Variants in GBE1 observed in about 807,000 individuals in gnomAD.
GBE1 encodes the protein 1,4-alpha-glucan branching enzyme 1.
GBE1 carries 70 observed loss-of-function variants against 88.8 expected under a neutral mutation model. The observed-to-expected ratio is 0.79, with a 90% CI of 0.65 to 0.96. The LOEUF is 0.96. Ranked by LOEUF, GBE1 falls within the 40% of genes least tolerant of loss-of-function variation. The probability of loss-of-function intolerance (pLI) is 0.00; values close to 1 mark genes in which losing one functional copy is unlikely to be tolerated. For missense variants in GBE1, 872 were observed against 871.0 expected, an observed-to-expected ratio of 1.00 and a Z score of -0.01; for synonymous variants, 284 against 300.1, an observed-to-expected ratio of 0.95 and a Z score of 0.56.
chr3:81,686,981 C>T (rs1393272733), intron 2 of GBE1, among the ~76,000 whole-genome samples: 1 of 152,120 alleles, frequency 6.6e-6, no homozygotes, highest in Non-Finnish European at 1.5e-5. Context: ...ACACGGTCAG[C>T]ATCACCCATA....
rs200544679 is a variant in GBE1 at position 81,578,021 on chromosome 3, G to C, written c.1522C>G (p.Pro508Ala). Reference protein sequence around the residue: ...EMYTNMSVLTPFTPVIDRGIQ... With the variant: ...EMYTNMSVLTAFTPVIDRGIQ... Reference sequence around the variant, plus strand: ...CCACGATCAATAACTGGAGTAAAAGGAGTCAGGACACTCATGTTTGTATAC... The same window carrying C: ...CCACGATCAATAACTGGAGTAAAAGCAGTCAGGACACTCATGTTTGTATAC... The change falls in exon 12 of 16, where the codon CCT (proline) becomes GCT (alanine). Residue 508 changes from proline (P) to alanine (A), a missense_variant. Physicochemically the swap from Pro to Ala is conservative, Grantham distance 27. Transcript: ENST00000429644. The C allele has an allele frequency of 8.6e-5, 138 of 1,609,466 alleles. No homozygotes were observed. The highest frequency in any genetic ancestry group is 4.0e-5 in the Non-Finnish European group (47 of 1,178,118).
intron 13 of GBE1, among the ~76,000 whole-genome samples, chr3:81,536,520 T>C (rs565988922): frequency 6.6e-6 from 1 of 152,084 alleles, no homozygotes; most frequent in South Asian, 2.1e-4. Flanking sequence ...ATAAAGAAAT[T>C]TACATGTTGT....
chr3:81,563,863 G>A (rs191205482), intron 12 of GBE1, among the ~76,000 whole-genome samples: 31 of 145,934 alleles, frequency 2.1e-4, no homozygotes, highest in Non-Finnish European at 3.6e-4. Context: ...AGCCAGAGTT[G>A]TGTGGATAAT....
Position 81,536,714 on chromosome 3 carries a change from A to G in GBE1, c.1803+197T>C, listed in dbSNP as rs144644392. Among the ~76,000 whole-genome samples, 200 of 152,228 alleles carry G rather than the reference A, an allele frequency of 1.3e-3. 2 individuals are homozygous for G. The highest frequency in any genetic ancestry group is 4.6e-3 in the African/African-American group (191 of 41,578). On this transcript the variant is annotated intron_variant, in intron 13 of 15. Transcript: ENST00000429644. ...AACAAACCAGGAAACTAAGCAGGGC[A>G]TTATGTTTAAGATTTTCATTATCAA...
At chr3:81,577,561 T>C (rs1703664934) in intron 12 of GBE1, among the ~76,000 whole-genome samples, 1 of 152,172 alleles carries the variant, frequency 6.6e-6, no homozygotes, top group Non-Finnish European at 1.5e-5. Context: ...ACTAGCTTGC[T>C]ATGTTATAAT....
chr3:81,597,046 T>C (rs777192913), intron 7 of GBE1, among the ~76,000 whole-genome samples: 2 of 151,940 alleles, frequency 1.3e-5, no homozygotes, highest in Non-Finnish European at 2.9e-5. Flanking sequence ...TGTGACTGAA[T>C]TAGAAATATT....
intron 7 of GBE1, among the ~76,000 whole-genome samples, chr3:81,622,499 A>G: frequency 6.6e-6 from 1 of 152,192 alleles, no homozygotes; most frequent in Non-Finnish European, 1.5e-5. Flanking sequence ...ATGATCTGAT[A>G]CAAGCTCACT....
chr3:81,526,082 T>C (rs984792558), intron 14 of GBE1, among the ~76,000 whole-genome samples: 1 of 152,082 alleles, frequency 6.6e-6, no homozygotes, highest in Non-Finnish European at 1.5e-5. Flanking sequence ...AGCTTTTGAA[T>C]GTGTTTGCTC....
intron 7 of GBE1, chr3:81,612,573 C>A: frequency 1.4e-6 from 1 of 717,326 alleles, no homozygotes; most frequent in Non-Finnish European, 2.5e-6. Flanking sequence ...GTTGTTACCC[C>A]CAAATTTGGG....
rs760519359 is a variant in GBE1 at position 81,646,399 on chromosome 3, C to T, written c.775G>A (p.Ala259Thr). ...ATGAGTCTCTGATTTTACCTGGAAG[C>T]TGCAAAGAAGCTTGTGATTTGGTAA... ...FGYQITSFFA[A>T]SSRYGTPEEL... The change falls in exon 6 of 16, where the codon GCT (alanine) becomes ACT (threonine). Residue 259 changes from alanine to threonine, a missense_variant. By Grantham distance (58) the Ala-to-Thr change is moderately conservative (BLOSUM62 0). Transcript: ENST00000429644. The T allele has an allele frequency of 2.5e-6, 4 of 1,586,994 alleles. No homozygotes were observed. The South Asian group carries it at 4.7e-5, about 18-fold the overall frequency.
intron 7 of GBE1, among the ~76,000 whole-genome samples, chr3:81,628,013 C>A (rs1704443325): frequency 1.3e-5 from 2 of 151,938 alleles, no homozygotes; most frequent in South Asian, 4.2e-4. Flanking sequence ...GATAGGCACC[C>A]TTTAAATTAG....
At chr3:81,593,856 C>T (rs986853120) in intron 8 of GBE1, 52 bp downstream of exon 8, 3 of 809,072 alleles carry the variant, frequency 3.7e-6, no homozygotes, top group African/African-American at 3.5e-5. Context: ...CCAGTAATGG[C>T]TATTGCAGCT....
At chr3:81,661,150 G>T (rs1217808173) in intron 3 of GBE1, among the ~76,000 whole-genome samples, 2 of 151,934 alleles carry the variant, frequency 1.3e-5, no homozygotes, top group Non-Finnish European at 2.9e-5. Context: ...TAAAAAAAAT[G>T]TGAGAAAGTG....
At chr3:81,547,824 T>C (rs1314732908) in intron 12 of GBE1, among the ~76,000 whole-genome samples, 2 of 151,326 alleles carry the variant, frequency 1.3e-5, no homozygotes, top group Non-Finnish European at 3.0e-5. Flanking sequence ...TGTTTGGTCA[T>C]AAAGAGGGGT....
chr3:81,707,168 G>A (rs989981410), intron 1 of GBE1, among the ~76,000 whole-genome samples: 18 of 152,040 alleles, frequency 1.2e-4, no homozygotes, highest in African/African-American at 4.1e-4. Context: ...CACACAAAAT[G>A]TATCCCAATT....
chr3:81,503,944 G>A (rs1040471830), intron 14 of GBE1, among the ~76,000 whole-genome samples: 12 of 152,140 alleles, frequency 7.9e-5, no homozygotes, highest in Non-Finnish European at 1.5e-5. Context: ...AGGGCCTTAA[G>A]AAGCTTACAC....
At chr3:81,584,395 T>C (rs1054930982) in intron 10 of GBE1, among the ~76,000 whole-genome samples, 1 of 152,058 alleles carries the variant, frequency 6.6e-6, no homozygotes, top group Non-Finnish European at 1.5e-5. Flanking sequence ...TATTGACATA[T>C]AGGGAGAATG....
chr3:81,563,945 CGAAG>C (rs201365439), intron 12 of GBE1, among the ~76,000 whole-genome samples: 3 of 148,224 alleles, frequency 2.0e-5, no homozygotes, highest in Non-Finnish European at 3.0e-5. Flanking sequence ...AAGGAAGGGA[CGAAG>C]GAAGGAAGGA....
At chr3:81,656,651 G>C (rs1319431775) in intron 3 of GBE1, among the ~76,000 whole-genome samples, 2 of 152,124 alleles carry the variant, frequency 1.3e-5, no homozygotes, top group Non-Finnish European at 2.9e-5. Context: ...GTCAGTACTG[G>C]AAAGAGTTTA....
Sources: gnomAD v4.1 joint callset for allele counts (sites outside exome capture counted in the v4.1 genomes callset) on GRCh38, gnomAD v4.1.1 for gene constraint, MANE v1.5 for transcripts, NCBI Gene and HGNC (gene_info 2026-07-23, HGNC 2026-07-21) for gene names.